The following RASAL2 variants were observed in gnomAD, a reference collection of about 807,000 sequenced individuals.
RASAL2 encodes RAS protein activator like 2.
A neutral mutation model predicts 128.9 loss-of-function variants in RASAL2; 58 were observed. That is an observed-to-expected ratio of 0.45 (90% CI 0.36 to 0.56). The LOEUF (loss-of-function observed/expected upper bound fraction) is 0.56. Ranked by LOEUF, RASAL2 falls within the 20% of genes least tolerant of loss-of-function variation. The pLI is 0.00. For synonymous variants in RASAL2, 561 were observed against 580.8 expected (o/e 0.97, Z 0.49); for missense variants, 1,360 against 1,601.6 (o/e 0.85, Z 2.57).
intron 3 of RASAL2, among the ~76,000 whole-genome samples, chr1:178,362,101 G>A (rs554056861): frequency 2.6e-4 from 40 of 152,258 alleles, no homozygotes; most frequent in African/African-American, 7.0e-4. Flanking sequence ...GTACTGCTCC[G>A]TGGCCTGGGG....
At chr1:178,203,418 C>T (rs1388546220) in intron 1 of RASAL2, among the ~76,000 whole-genome samples, 1 of 152,174 alleles carries the variant, frequency 6.6e-6, no homozygotes, top group Non-Finnish European at 1.5e-5. Context: ...CAGAGTTCTC[C>T]AGAAGGCTGT....
intron 1 of RASAL2, among the ~76,000 whole-genome samples, chr1:178,148,976 C>T (rs914317976): frequency 1.3e-5 from 2 of 152,132 alleles, no homozygotes; most frequent in Non-Finnish European, 2.9e-5. Flanking sequence ...GATTCCTATT[C>T]TCATTCTCTC....
At chr1:178,152,758 A>G (rs543369865) in intron 1 of RASAL2, among the ~76,000 whole-genome samples, 152 of 152,346 alleles carry the variant, frequency 1.0e-3, no homozygotes, top group Non-Finnish European at 1.8e-3. Context: ...AATGAGTCCC[A>G]TGTAACCATT....
intron 1 of RASAL2, among the ~76,000 whole-genome samples, chr1:178,246,614 G>C (rs556590901): frequency 6.6e-6 from 1 of 152,060 alleles, no homozygotes; most frequent in African/African-American, 2.4e-5. Context: ...TTGAATCGGC[G>C]TGGTGAGAGA....
chr1:178,273,243 T>C (rs928465042), intron 1 of RASAL2, among the ~76,000 whole-genome samples: 11 of 152,328 alleles, frequency 7.2e-5, no homozygotes, highest in African/African-American at 2.6e-4. Flanking sequence ...AGAAAAGATA[T>C]GTGATAAAGG....
chr1:178,154,395 G>T (rs1036714348), intron 1 of RASAL2, among the ~76,000 whole-genome samples: 1 of 151,840 alleles, frequency 6.6e-6, no homozygotes, highest in African/African-American at 2.4e-5. Flanking sequence ...GCAGTCCTCC[G>T]GCCTTGGCTT....
intron 1 of RASAL2, among the ~76,000 whole-genome samples, chr1:178,180,214 A>G (rs1030152888): frequency 6.6e-6 from 1 of 152,148 alleles, no homozygotes; most frequent in Non-Finnish European, 1.5e-5. Context: ...AGTTATCTTA[A>G]TGATACTTAG....
rs999861490 is a variant in RASAL2 at position 178,326,420 on chromosome 1, G to A, written c.457+26302G>A. Among the ~76,000 whole-genome samples, 4 of 152,200 alleles carry A rather than the reference G, an allele frequency of 2.6e-5. No homozygotes were observed. In the East Asian group the frequency reaches 5.8e-4, roughly 22 times the overall value. On this transcript the variant is annotated intron_variant, in intron 3 of 17. Transcript: ENST00000367649. ...ACTCTAAGAAGTCACCTTTTAGTAT[G>A]TATGTGTCTTTCAAAATTTATTGTA...
At chr1:178,165,698 T>C (rs1661496211) in intron 1 of RASAL2, among the ~76,000 whole-genome samples, 1 of 152,190 alleles carries the variant, frequency 6.6e-6, no homozygotes, top group African/African-American at 2.4e-5. Context: ...CTGTGTTTTA[T>C]TCATCTTTAT....
At chr1:178,257,991 A>G (rs1052548770) in intron 1 of RASAL2, among the ~76,000 whole-genome samples, 56 of 151,918 alleles carry the variant, frequency 3.7e-4, no homozygotes, top group African/African-American at 1.1e-3. Context: ...ACAAAACGAT[A>G]CCATCAAGAC....
chr1:178,341,533 T>A, intron 3 of RASAL2: 1 of 1,612,574 alleles, frequency 6.2e-7, no homozygotes, highest in East Asian at 2.2e-5. Flanking sequence ...GTATACAAAG[T>A]GTTTTGAGTT....
intron 3 of RASAL2, among the ~76,000 whole-genome samples, chr1:178,374,129 G>A (rs578102849): frequency 3.8e-4 from 58 of 152,084 alleles, no homozygotes; most frequent in South Asian, 1.4e-3. Context: ...CTGACCATAG[G>A]CAGCAAACAC....
At chr1:178,115,671 G>A (rs1659498778) in intron 1 of RASAL2, among the ~76,000 whole-genome samples, 1 of 152,182 alleles carries the variant, frequency 6.6e-6, no homozygotes, top group Non-Finnish European at 1.5e-5. Flanking sequence ...ATTTGAGTCT[G>A]GAAGGTGATG....
intron 1 of RASAL2, among the ~76,000 whole-genome samples, chr1:178,262,903 T>C (rs553722323): frequency 7.2e-5 from 11 of 152,074 alleles, no homozygotes; most frequent in African/African-American, 2.2e-4. Context: ...TTGGCCCTTA[T>C]ATTTCATTTC....
chr1:178,348,750 T>C (rs1201481382), intron 3 of RASAL2, among the ~76,000 whole-genome samples: 1 of 151,840 alleles, frequency 6.6e-6, no homozygotes, highest in East Asian at 1.9e-4. Flanking sequence ...GTAAAAGTCC[T>C]TTTTTGTTTA....
At chr1:178,423,727 C>A (rs1050540865) in intron 5 of RASAL2, among the ~76,000 whole-genome samples, 1 of 151,886 alleles carries the variant, frequency 6.6e-6, no homozygotes, top group Non-Finnish European at 1.5e-5. Flanking sequence ...GGGGGGATTT[C>A]TTTGTTTTAA....
intron 1 of RASAL2, among the ~76,000 whole-genome samples, chr1:178,206,845 G>T (rs1663066780): frequency 6.6e-6 from 1 of 152,034 alleles, no homozygotes; most frequent in Admixed American, 6.6e-5. Context: ...ATAAATTATG[G>T]TACTCCACTC....
intron 1 of RASAL2, among the ~76,000 whole-genome samples, chr1:178,226,628 T>C (rs115372688): frequency 0.018 from 2,744 of 152,274 alleles, 75 homozygotes; most frequent in African/African-American, 0.059. Context: ...CATTTGTCTG[T>C]AAGAATTACT....
At chr1:178,382,627 G>A (rs1189146805) in intron 3 of RASAL2, among the ~76,000 whole-genome samples, 7 of 152,100 alleles carry the variant, frequency 4.6e-5, no homozygotes, top group Non-Finnish European at 8.8e-5. Context: ...ATGGGTGATA[G>A]TTCCACCTCC....
Sources: allele counts gnomAD v4.1 joint callset (sites outside exome capture counted in the v4.1 genomes callset), GRCh38; gene constraint gnomAD v4.1.1; transcripts MANE v1.5; gene names NCBI Gene and HGNC (gene_info 2026-07-23, HGNC 2026-07-21).